Variants in ANKFN1 observed in about 807,000 individuals in gnomAD.
ANKFN1 encodes ankyrin repeat and fibronectin type III domain containing 1, also known as ankyrin repeat and fibronectin type-III domain-containing protein 1.
ANKFN1 carries 74 observed loss-of-function variants against 108.7 expected under a neutral mutation model. The observed-to-expected ratio is 0.68, with a 90% CI of 0.56 to 0.83. The LOEUF (loss-of-function observed/expected upper bound fraction) is 0.83. Among genes scored for constraint, ANKFN1 ranks in the 40% least tolerant of loss-of-function variants. The pLI, the probability that ANKFN1 is intolerant of heterozygous loss-of-function variation, is 0.00. For synonymous variants in ANKFN1, 547 were observed against 516.2 expected, an observed-to-expected ratio of 1.06 and a Z score of -0.81; for missense variants, 1,505 against 1,382.3, an observed-to-expected ratio of 1.09 and a Z score of -1.41.
intron 4 of ANKFN1, among the ~76,000 whole-genome samples, chr17:56,130,517 A>C (rs545722681): frequency 7.2e-5 from 11 of 152,192 alleles, no homozygotes; most frequent in African/African-American, 2.6e-4. Flanking sequence ...GGTATCACTC[A>C]AAATCGCTGC....
At position 56,326,365 on chromosome 17, in the gene ANKFN1, A is replaced by G; in HGVS notation, c.188+10A>G. On this transcript the variant is annotated intron_variant, in intron 4 of 20. Coordinates refer to ENST00000682825, the MANE Select transcript of ANKFN1 (RefSeq NM_001370326.1). ...CGAACAGCATAAACTGGTAAGTCAAATTTACTGTTGTCTTTCTTCATGTGA... is the reference window on the plus strand; with the variant it reads ...CGAACAGCATAAACTGGTAAGTCAAGTTTACTGTTGTCTTTCTTCATGTGA... 6.2e-7 allele frequency: 1 copy of G among 1,604,806 alleles called. No homozygotes were observed. Among genetic ancestry groups the G allele is most frequent in the South Asian group, 1.1e-5 (1 of 88,874 alleles).
At chr17:56,421,009 A>T (rs2048390292) in intron 8 of ANKFN1, among the ~76,000 whole-genome samples, 1 of 151,538 alleles carries the variant, frequency 6.6e-6, no homozygotes, top group Non-Finnish European at 1.5e-5. Flanking sequence ...GGTCCGGCCG[A>T]CTCCTTCTTT....
chr17:56,177,858 T>C (rs1038055965), intron 1 of ANKFN1, among the ~76,000 whole-genome samples: 1 of 152,200 alleles, frequency 6.6e-6, no homozygotes, highest in Non-Finnish European at 1.5e-5. Context: ...CTGGGATTTA[T>C]TTTAATACAT....
At chr17:56,452,386 C>T (rs1274888397) in intron 11 of ANKFN1, among the ~76,000 whole-genome samples, 1 of 152,168 alleles carries the variant, frequency 6.6e-6, no homozygotes, top group Non-Finnish European at 1.5e-5. Context: ...TTAGTTTAGA[C>T]TGATGTGTCA....
chr17:56,425,106 C>A (rs1340627797), intron 8 of ANKFN1, among the ~76,000 whole-genome samples: 5 of 150,434 alleles, frequency 3.3e-5, no homozygotes, highest in Non-Finnish European at 1.5e-5. Flanking sequence ...TAAGTATACA[C>A]TGTTGCTAAC....
chr17:56,296,725 C>T (rs1034417732), intron 3 of ANKFN1, among the ~76,000 whole-genome samples: 2 of 151,970 alleles, frequency 1.3e-5, no homozygotes, highest in East Asian at 1.9e-4. Context: ...AACAACAAAA[C>T]GGCTGTGAAG....
chr17:56,198,567 C>A (rs1913735667), intron 1 of ANKFN1, among the ~76,000 whole-genome samples: 2 of 152,174 alleles, frequency 1.3e-5, no homozygotes, highest in African/African-American at 4.8e-5. Flanking sequence ...GTTGGGGACC[C>A]CTGAGCTAAA....
At chr17:56,349,321 C>T (rs2046187610) in intron 4 of ANKFN1, among the ~76,000 whole-genome samples, 1 of 151,914 alleles carries the variant, frequency 6.6e-6, no homozygotes, top group African/African-American at 2.4e-5. Flanking sequence ...GTGCAGCAAA[C>T]CACCATAGCA....
intron 1 of ANKFN1, among the ~76,000 whole-genome samples, chr17:56,193,746 G>A (rs969613463): frequency 6.6e-6 from 1 of 152,098 alleles, no homozygotes; most frequent in Non-Finnish European, 1.5e-5. Context: ...AATACCAAAG[G>A]CACAATTCAT....
intron 11 of ANKFN1, among the ~76,000 whole-genome samples, chr17:56,451,200 T>G (rs976905503): frequency 6.6e-6 from 1 of 152,222 alleles, no homozygotes; most frequent in African/African-American, 2.4e-5. Context: ...TTTAGAATAT[T>G]AAAGACTCTA....
chr17:56,403,394 A>G (rs888566991), intron 8 of ANKFN1, among the ~76,000 whole-genome samples: 2 of 152,012 alleles, frequency 1.3e-5, no homozygotes, highest in Admixed American at 6.6e-5. Context: ...TTAGGTGCAT[A>G]TATGTTTAGG....
chr17:56,288,347 CTTTTG>C (rs557036613), intron 3 of ANKFN1, among the ~76,000 whole-genome samples: 16 of 151,608 alleles, frequency 1.1e-4, no homozygotes, highest in South Asian at 4.2e-4. Context: ...TTTTACTTTG[CTTTTG>C]TTTTGTTTTG....
chr17:56,471,913 T>C (rs1265010637), intron 15 of ANKFN1: 1 of 152,238 alleles, frequency 6.6e-6, no homozygotes, highest in African/African-American at 2.4e-5. Flanking sequence ...TGACAGCTAA[T>C]GAATGTGTGG....
intron 4 of ANKFN1, among the ~76,000 whole-genome samples, chr17:56,062,457 GT>G (rs1454683990): frequency 1.3e-5 from 2 of 151,798 alleles, no homozygotes; most frequent in African/African-American, 4.8e-5. Flanking sequence ...AGCCCTTCTT[GT>G]TGAATTGTTC....
rs1367124597 is a variant in ANKFN1, at chr17:56,515,414, A to G, written c.*4145A>G. Among the ~76,000 whole-genome samples, 1 of 152,168 alleles carries G rather than the reference A, an allele frequency of 6.6e-6. No homozygotes were observed. The highest frequency in any genetic ancestry group is 1.9e-4 in the East Asian group (1 of 5,196). On this transcript the variant is annotated 3_prime_UTR_variant, in exon 21 of 21. Coordinates refer to ENST00000682825, the MANE Select transcript of ANKFN1 (RefSeq NM_001370326.1). ...GAAGCAAACCTGGACTTTTTTCTTC[A>G]AGGTCGTATCTTCAAGGAAATTTTT... is the stretch of plus-strand genomic sequence containing the variant.
chr17:56,295,403 C>T (rs1219795591), intron 3 of ANKFN1, among the ~76,000 whole-genome samples: 2 of 152,182 alleles, frequency 1.3e-5, no homozygotes, highest in African/African-American at 4.8e-5. Flanking sequence ...ACCAGTAATA[C>T]CTGTATCAGT....
At chr17:56,509,579 T>C (rs1195509970) in intron 20 of ANKFN1, among the ~76,000 whole-genome samples, 4 of 152,240 alleles carry the variant, frequency 2.6e-5, no homozygotes, top group African/African-American at 9.6e-5. Context: ...GGCGGTCTTT[T>C]ACATAAGTGC....
intron 4 of ANKFN1, among the ~76,000 whole-genome samples, chr17:56,059,428 T>C (rs1483298357): frequency 6.6e-6 from 1 of 152,246 alleles, no homozygotes; most frequent in Non-Finnish European, 1.5e-5. Context: ...AGAAGCTGTT[T>C]AGTTTAATTA....
rs1453224452 is a variant in ANKFN1, at chr17:56,511,221, G to A, written c.3393G>A (p.Glu1131=). 1.3e-6 allele frequency: 2 copies of A among 1,533,756 alleles called. No homozygotes were observed. Among genetic ancestry groups the A allele is most frequent in the African/African-American group, 2.7e-5 (2 of 73,032 alleles). Residue 1131 remains glutamate, a synonymous_variant, in exon 21 of 21, where the codon GAG becomes GAA. Transcript: ENST00000682825. ...CCACTGGCCCCGATGTGAGTCAGGA[G>A]GGCCCCACCGCCTCTCCCATGTCAG... ...PSPTGPDVSQ[E]GPTASPMSEI...
Sources: gnomAD v4.1 joint callset for allele counts (sites outside exome capture counted in the v4.1 genomes callset) on GRCh38, gnomAD v4.1.1 for gene constraint, MANE v1.5 for transcripts, NCBI Gene and HGNC (gene_info 2026-07-23, HGNC 2026-07-21) for gene names.